Variants in POT1 observed in about 807,000 individuals in gnomAD.
POT1 encodes protection of telomeres protein 1.
Under a neutral mutation model 78.5 loss-of-function variants are expected in POT1, and 47 were observed. That is an observed-to-expected ratio of 0.60 (90% confidence interval 0.47 to 0.76). POT1 has a LOEUF of 0.76. Among genes scored for constraint, POT1 ranks in the 30% least tolerant of loss-of-function variants. The pLI is 0.00. For missense variants in POT1, 646 were observed against 749.9 expected (o/e 0.86, Z 1.62); for synonymous variants, 259 against 260.7 (o/e 0.99, Z 0.06).
chr7:124,850,128 T>C (rs1428911077), intron 11 of POT1, among the ~76,000 whole-genome samples: 1 of 152,174 alleles, frequency 6.6e-6, no homozygotes, highest in Non-Finnish European at 1.5e-5. Context: ...CTCCAAGTGA[T>C]TTGTCATCTG....
chr7:124,830,627 A>G (rs1271354376), intron 15 of POT1, among the ~76,000 whole-genome samples: 1 of 152,120 alleles, frequency 6.6e-6, no homozygotes, highest in African/African-American at 2.4e-5. Context: ...GTGAAAGGGG[A>G]AACAGAAAAA....
chr7:124,841,273 TACA>T, intron 13 of POT1, 95 bp from the exon 14 acceptor site: 1 of 904,450 alleles, frequency 1.1e-6, no homozygotes, highest in South Asian at 1.6e-5. Flanking sequence ...GTATCATTCT[TACA>T]TGTAGATGAG....
chr7:124,865,266 G>A (rs938580068), intron 7 of POT1, among the ~76,000 whole-genome samples: 3 of 152,020 alleles, frequency 2.0e-5, no homozygotes, highest in Non-Finnish European at 4.4e-5. Flanking sequence ...CATTGAGAAA[G>A]TTTTGTCTGG....
intron 6 of POT1, among the ~76,000 whole-genome samples, 167 bp downstream of exon 6, chr7:124,892,099 C>G (rs761925217): frequency 2.5e-4 from 38 of 151,588 alleles, no homozygotes; most frequent in African/African-American, 8.9e-4. Context: ...CTAAAGATCA[C>G]GTTTATTTTA....
In POT1 at chr7:124,853,154, T is replaced by C; in HGVS notation, c.703-16A>G. ...AGCTTCCAACCTAAAAAATAGATCA[T>C]TTGTTATTTAGAAAGTGGGGAAAAA... is the stretch of plus-strand genomic sequence containing the variant. On this transcript the variant is annotated splice_polypyrimidine_tract_variant and intron_variant, in intron 9 of 18. Coordinates refer to ENST00000357628, the MANE Select transcript of POT1 (RefSeq NM_015450.3). The C allele has an allele frequency of 1.3e-6, 2 of 1,533,430 alleles. No individual in the cohort carries two copies. Among genetic ancestry groups the C allele is most frequent in the South Asian group, 1.2e-5 (1 of 83,268 alleles). 95.0% of individuals were successfully genotyped at this position (1,533,430 alleles called of 1,614,324 possible).
At chr7:124,919,240 T>C (rs1236082644) in intron 2 of POT1, among the ~76,000 whole-genome samples, 2 of 152,152 alleles carry the variant, frequency 1.3e-5, no homozygotes, top group African/African-American at 4.8e-5. Context: ...AAAAACACAA[T>C]ACTATGATGT....
chr7:124,867,253 T>C (rs985299602), intron 7 of POT1, among the ~76,000 whole-genome samples: 1 of 151,808 alleles, frequency 6.6e-6, no homozygotes, highest in Admixed American at 6.6e-5. Flanking sequence ...CTAAAGAATA[T>C]CTTTGCCTTC....
At chr7:124,924,722 T>C (rs1005001466) in intron 2 of POT1, among the ~76,000 whole-genome samples, 2 of 152,068 alleles carry the variant, frequency 1.3e-5, no homozygotes, top group African/African-American at 4.8e-5. Flanking sequence ...AACAAAATAC[T>C]AGCAAATTGA....
chr7:124,843,720 C>G (rs1795087778), intron 12 of POT1, among the ~76,000 whole-genome samples: 1 of 152,170 alleles, frequency 6.6e-6, no homozygotes, highest in Non-Finnish European at 1.5e-5. Flanking sequence ...AAGGCAACAG[C>G]TTGCTATACA....
intron 2 of POT1, among the ~76,000 whole-genome samples, chr7:124,921,482 A>G (rs1290936982): frequency 6.6e-6 from 1 of 151,212 alleles, no homozygotes; most frequent in African/African-American, 2.4e-5. Flanking sequence ...ATAAATAGAA[A>G]TAAAACTTAA....
intron 13 of POT1, among the ~76,000 whole-genome samples, chr7:124,842,228 T>C (rs1323482093): frequency 6.6e-6 from 1 of 151,998 alleles, no homozygotes; most frequent in Non-Finnish European, 1.5e-5. Flanking sequence ...TGAGGAGCTT[T>C]TAAAAATGAT....
chr7:124,923,714 TCATACA>T (rs1797206028), intron 2 of POT1, among the ~76,000 whole-genome samples: 1 of 151,120 alleles, frequency 6.6e-6, no homozygotes, highest in African/African-American at 2.4e-5. Flanking sequence ...AAGGACTTCA[TCATACA>T]CATTATATTC....
intron 9 of POT1, among the ~76,000 whole-genome samples, chr7:124,858,022 T>G (rs570043023): frequency 6.6e-6 from 1 of 152,168 alleles, no homozygotes; most frequent in Non-Finnish European, 1.5e-5. Context: ...CCTGCTCACC[T>G]GCATGCTCCC....
intron 1 of POT1, 145 bp from the exon 2 acceptor site, chr7:124,929,144 A>C (rs1341564872): frequency 6.6e-6 from 1 of 152,150 alleles, no homozygotes; most frequent in Non-Finnish European, 1.5e-5. Context: ...TTACAATTTT[A>C]TTGCAAAGAT....
chr7:124,825,317 T>C lies in POT1; in HGVS notation c.1727A>G (p.Asp576Gly). The C allele has an allele frequency of 6.2e-7, 1 of 1,611,262 alleles. No individual in the cohort carries two copies. Among genetic ancestry groups the C allele is most frequent in the Non-Finnish European group, 8.5e-7 (1 of 1,178,682 alleles). The change falls in exon 18 of 19, where the codon GAT (aspartate) becomes GGT (glycine). Residue 576 changes from aspartate (D) to glycine (G), a missense_variant. Asp to Gly is a moderately conservative substitution (Grantham distance 94). Transcript: ENST00000357628. ...FQIPASEVLM[D>G]DDLQKSVDMI... Reference sequence around the variant, plus strand: ...ATCCACACTTTTCTGAAGGTCATCATCCATCAGAACTTCTGATGCTGGAAT... The same window carrying C: ...ATCCACACTTTTCTGAAGGTCATCACCCATCAGAACTTCTGATGCTGGAAT...
At chr7:124,849,453 T>C (rs1455177832) in intron 11 of POT1, among the ~76,000 whole-genome samples, 1 of 152,196 alleles carries the variant, frequency 6.6e-6, no homozygotes, top group African/African-American at 2.4e-5. Context: ...TTTCACCTGC[T>C]TAACTGTCAA....
At chr7:124,900,746 A>G in intron 3 of POT1, 1 of 263,202 alleles carries the variant, frequency 3.8e-6, no homozygotes, top group East Asian at 1.1e-4. Context: ...TCCCTTTCCT[A>G]GCCAAGGGAA....
intron 2 of POT1, among the ~76,000 whole-genome samples, chr7:124,915,993 A>G (rs991468804): frequency 2.6e-5 from 4 of 152,128 alleles, no homozygotes; most frequent in Non-Finnish European, 5.9e-5. Flanking sequence ...TTGCTCCTAG[A>G]AAGAAATGAA....
At chr7:124,869,931 CCT>C (rs926755439) in intron 7 of POT1, among the ~76,000 whole-genome samples, 12 of 151,996 alleles carry the variant, frequency 7.9e-5, no homozygotes, top group Non-Finnish European at 1.3e-4. Flanking sequence ...TCTCTATTAT[CCT>C]CTTATTCTCA....
Sources: gnomAD v4.1 joint callset for allele counts (sites outside exome capture counted in the v4.1 genomes callset) on GRCh38, gnomAD v4.1.1 for gene constraint, MANE v1.5 for transcripts, NCBI Gene and HGNC (gene_info 2026-07-23, HGNC 2026-07-21) for gene names.